NRAP: variants seen among roughly 807,000 people sequenced by gnomAD.
NRAP encodes the protein nebulin-related-anchoring protein.
In NRAP, 189 loss-of-function variants were observed where a neutral mutation model predicts 225.9. The observed-to-expected ratio is 0.84, with a 90% CI of 0.74 to 0.94. The LOEUF is 0.94. NRAP is among the 40% of genes least tolerant of loss of function. NRAP has a pLI of 0.00. For synonymous variants in NRAP, 769 were observed against 790.7 expected (o/e 0.97, Z 0.46); for missense variants, 2,176 against 2,168.7 (o/e 1.00, Z -0.07).
At position 113,629,158 on chromosome 10, in the gene NRAP, A is replaced by G. The variant is rs546886733; in HGVS notation, c.2041-137T>C. The G allele has an allele frequency of 9.2e-5, 65 of 704,782 alleles. No individual in the cohort carries two copies. The African/African-American group carries it at 1.0e-3, about 11-fold the overall frequency. The allele number at this position is 704,782 out of a possible 1,614,324, so 43.7% of individuals were successfully genotyped here. On this transcript the variant is annotated intron_variant, in intron 19 of 41. Transcript: ENST00000359988. ...GCTCCCTGCTCCTTTATGGTCAGGCAGATCTCCACTTGGGAGGTACAGCCA... is the reference window on the plus strand; with the variant it reads ...GCTCCCTGCTCCTTTATGGTCAGGCGGATCTCCACTTGGGAGGTACAGCCA...
chr10:113,593,309 T>C (rs556828332), intron 38 of NRAP, among the ~76,000 whole-genome samples: 2 of 152,190 alleles, frequency 1.3e-5, no homozygotes, highest in South Asian at 4.2e-4. Context: ...CTACGGGGGA[T>C]TGGGGGGATT....
intron 31 of NRAP, among the ~76,000 whole-genome samples, chr10:113,609,872 C>A (rs760979616): frequency 6.6e-6 from 1 of 151,780 alleles, no homozygotes; most frequent in African/African-American, 2.4e-5. Flanking sequence ...ATCGCATGGG[C>A]CAGTGAATAA....
chr10:113,641,478 T>C lies in NRAP; in HGVS notation c.1216-6A>G, dbSNP rs1337762547. ...TAGTTTTCTTTATATTTATTCTACA[T>C]GGAAACGCAAAGTTTTCAACCAAAG... On this transcript the variant is annotated splice_region_variant and splice_polypyrimidine_tract_variant and intron_variant, in intron 12 of 41. Transcript: ENST00000359988. 4 of 1,583,658 alleles carry C rather than the reference T, an allele frequency of 2.5e-6. No individual in the cohort carries two copies. Among genetic ancestry groups the C allele is most frequent in the Non-Finnish European group, 3.5e-6 (4 of 1,152,748 alleles).
At position 113,617,294 on chromosome 10, in the gene NRAP, T is replaced by G. The variant is rs139397533; in HGVS notation, c.2973+161A>C. Among the ~76,000 whole-genome samples the G allele has an allele frequency of 5.3e-5, 8 of 152,156 alleles. No individual in the cohort carries two copies. In the East Asian group the frequency reaches 1.6e-3, roughly 30 times the overall value. On this transcript the variant is annotated intron_variant, in intron 26 of 41. Transcript: ENST00000359988. Reference sequence around the variant, plus strand: ...AGTAACACCCCCATTTGCATCCTAATGAGGAAGCACCCCCCGCTAAGGGAG... The same window carrying G: ...AGTAACACCCCCATTTGCATCCTAAGGAGGAAGCACCCCCCGCTAAGGGAG...
intron 35 of NRAP, among the ~76,000 whole-genome samples, chr10:113,603,904 A>G (rs962276393): frequency 6.6e-6 from 1 of 152,142 alleles, no homozygotes; most frequent in African/African-American, 2.4e-5. Context: ...ACACACACAC[A>G]CGCACACTCA....
Position 113,617,309 on chromosome 10 carries a change from C to G in NRAP, c.2973+146G>C, listed in dbSNP as rs570841162. On this transcript the variant is annotated intron_variant, in intron 26 of 41. Transcript: ENST00000359988. ...TGCATCCTAATGAGGAAGCACCCCC[C>G]GCTAAGGGAGCCTCTGCAAAGGACA... 1.6e-4 allele frequency: 87 copies of G among 536,482 alleles called. 1 individual carries two copies. In the South Asian group the frequency reaches 2.5e-3, roughly 15 times the overall value. The allele number at this position is 536,482 out of a possible 1,614,324, so 33.2% of individuals were successfully genotyped here. A position where few individuals can be genotyped will look rare whatever the true frequency, so the allele number is the denominator to read the frequency against.
chr10:113,625,538 T>C (rs1285694233), intron 21 of NRAP, among the ~76,000 whole-genome samples: 1 of 152,180 alleles, frequency 6.6e-6, no homozygotes, highest in African/African-American at 2.4e-5. Context: ...ACCTGGACCT[T>C]TAGGAAGGAA....
chr10:113,653,249 C>G (rs1376352515), intron 5 of NRAP, among the ~76,000 whole-genome samples: 1 of 152,162 alleles, frequency 6.6e-6, no homozygotes, highest in East Asian at 1.9e-4. Context: ...AAAGGGGCTC[C>G]TCTTCAATGT....
At chr10:113,592,361 G>A (rs1193778539) in intron 38 of NRAP, 60 bp from the exon 39 acceptor site, 16 of 1,140,462 alleles carry the variant, frequency 1.4e-5, no homozygotes, top group Non-Finnish European at 2.0e-5. Context: ...CTTCCATGTT[G>A]CTGGTACTCA....
chr10:113,637,372 G>T (rs1446953295), intron 14 of NRAP, among the ~76,000 whole-genome samples: 1 of 152,178 alleles, frequency 6.6e-6, no homozygotes, highest in African/African-American at 2.4e-5. Context: ...CAAATCCCAG[G>T]AGTCTGCCTC....
At chr10:113,633,940 T>C (rs2134051698) in intron 15 of NRAP, among the ~76,000 whole-genome samples, 172 bp downstream of exon 15, 1 of 152,322 alleles carries the variant, frequency 6.6e-6, no homozygotes, top group South Asian at 2.1e-4. Flanking sequence ...TTTGCATGTA[T>C]TCAAAATTTT....
At chr10:113,601,967 C>T (rs1846630671) in intron 35 of NRAP, among the ~76,000 whole-genome samples, 1 of 152,176 alleles carries the variant, frequency 6.6e-6, no homozygotes, top group Admixed American at 6.5e-5. Flanking sequence ...CTCACTGCAA[C>T]CTCTGCCTCC....
chr10:113,595,257 TA>T lies in NRAP; in HGVS notation c.4536+365del, dbSNP rs1445062141. 4.6e-5 allele frequency among the ~76,000 whole-genome samples: 7 copies of T among 152,132 alleles called. No individual in the cohort carries two copies. In the East Asian group the frequency reaches 9.7e-4, roughly 21 times the overall value. On this transcript the variant is annotated intron_variant, in intron 38 of 41. Transcript: ENST00000359988. ...CTCCAGTGACACTACTCTGAATGAC[TA>T]CAGAGAGGGGTCCAGGAAACAAAAA... is the stretch of plus-strand genomic sequence containing the variant.
In NRAP at chr10:113,590,835, T is replaced by C. The variant is rs11575799; in HGVS notation, c.4699A>G (p.Ser1567Gly). 2.9e-4 allele frequency: 465 copies of C among 1,614,200 alleles called. 1 individual carries two copies. In the African/African-American group the frequency reaches 3.7e-3, roughly 13 times the overall value. ...RDRGLQIGYR[S>G]VDDDPRMKHF... is the part of the protein sequence containing the mutation. ...TTCATCCTTGGGTCATCGTCGACAC[T>C]GCGGTACCCGATCTGCAGGCCTCGG... Residue 1567 changes from serine to glycine, a missense_variant, in exon 40 of 42, where the codon AGT (serine) becomes GGT (glycine). Transcript: ENST00000359988.
intron 26 of NRAP, 89 bp from the exon 27 acceptor site, chr10:113,615,905 C>A: frequency 1.3e-6 from 1 of 752,044 alleles, no homozygotes; most frequent in Non-Finnish European, 2.4e-6. Context: ...CAAGCTGCTG[C>A]AGCTGCCACC....
At chr10:113,612,973 C>T (rs1241855567) in intron 29 of NRAP, among the ~76,000 whole-genome samples, 1 of 152,144 alleles carries the variant, frequency 6.6e-6, no homozygotes, top group Admixed American at 6.5e-5. Flanking sequence ...CCAAAACACA[C>T]CCTGGGAGAG....
rs765736382 is a variant in NRAP, at chr10:113,620,691, A to G, written c.2787T>C (p.Asp929=). ...GLQSDNQYRA[D]VKWMKGMGWV... Reference sequence around the variant, plus strand: ...AGCCCATGCCTTTCATCCACTTCACATCTGCCCTGTATTGGTTCTGACAAA... The same window carrying G: ...AGCCCATGCCTTTCATCCACTTCACGTCTGCCCTGTATTGGTTCTGACAAA... Residue 929 remains aspartate (D), a synonymous_variant, in exon 25 of 42, where the codon GAT becomes GAC. Transcript: ENST00000359988. 25 of 1,610,408 alleles carry G rather than the reference A, an allele frequency of 1.6e-5. No individual in the cohort carries two copies. Among genetic ancestry groups the G allele is most frequent in the Admixed American group, 1.3e-4 (8 of 59,952 alleles).
At chr10:113,656,423 G>C (rs996150049) in intron 4 of NRAP, among the ~76,000 whole-genome samples, 9 of 152,140 alleles carry the variant, frequency 5.9e-5, no homozygotes, top group Admixed American at 2.0e-4. Flanking sequence ...GCTGTACTCT[G>C]ACCACCTCTG....
chr10:113,641,207 G>T (rs1412925608), intron 13 of NRAP, among the ~76,000 whole-genome samples, 158 bp downstream of exon 13: 1 of 152,194 alleles, frequency 6.6e-6, no homozygotes, highest in Non-Finnish European at 1.5e-5. Context: ...AGCCTTGGTT[G>T]TATCCGCTAA....
Sources: allele counts gnomAD v4.1 joint callset (sites outside exome capture counted in the v4.1 genomes callset), GRCh38; gene constraint gnomAD v4.1.1; transcripts MANE v1.5; gene names NCBI Gene and HGNC (gene_info 2026-07-23, HGNC 2026-07-21).